Variants in ATRNL1 observed in about 807,000 individuals in gnomAD.
ATRNL1 encodes attractin like 1, also known as attractin-like protein 1.
Under a neutral mutation model 182.7 loss-of-function variants are expected in ATRNL1, and 95 were observed. The ratio of observed to expected loss-of-function variants is 0.52; its 90% CI spans 0.44 to 0.62. The LOEUF is 0.62. ATRNL1 is among the 20% of genes least tolerant of loss of function. The pLI, the probability that ATRNL1 is intolerant of heterozygous loss-of-function variation, is 0.00. For synonymous variants in ATRNL1, 576 were observed against 568.3 expected (o/e 1.01, Z -0.19); for missense variants, 1,471 against 1,679.5 (o/e 0.88, Z 2.17).
At chr10:115,863,005 A>G (rs6585367) in intron 28 of ATRNL1, among the ~76,000 whole-genome samples, 4,854 of 152,252 alleles carry the variant, frequency 0.032, 251 homozygotes, top group African/African-American at 0.11. Context: ...GAAATCTACA[A>G]ACGTCTACTC....
intron 27 of ATRNL1, among the ~76,000 whole-genome samples, chr10:115,734,135 C>T (rs2134079268): frequency 1.3e-5 from 2 of 152,110 alleles, no homozygotes; most frequent in African/African-American, 4.8e-5. Flanking sequence ...TAATTTCACA[C>T]TATTATAAAT....
chr10:115,870,607 T>C (rs1292554622), intron 28 of ATRNL1, among the ~76,000 whole-genome samples: 1 of 152,218 alleles, frequency 6.6e-6, no homozygotes, highest in Non-Finnish European at 1.5e-5. Context: ...CAGAGATTAT[T>C]ATCCTCATAT....
intron 28 of ATRNL1, among the ~76,000 whole-genome samples, chr10:115,902,441 AT>A (rs1265199011): frequency 6.6e-6 from 1 of 152,130 alleles, no homozygotes; most frequent in African/African-American, 2.4e-5. Flanking sequence ...GCATTCATTT[AT>A]TTTTTATAGG....
chr10:115,697,866 CT>C (rs1313106123), intron 26 of ATRNL1, among the ~76,000 whole-genome samples: 2 of 152,020 alleles, frequency 1.3e-5, no homozygotes, highest in African/African-American at 4.8e-5. Flanking sequence ...GCTGTCCTTT[CT>C]GTTGTAAATT....
At chr10:115,649,716 AG>A (rs1169155099) in intron 26 of ATRNL1, among the ~76,000 whole-genome samples, 3 of 152,174 alleles carry the variant, frequency 2.0e-5, no homozygotes, top group African/African-American at 4.8e-5. Flanking sequence ...TTTAAAATAA[AG>A]TACACTTTTA....
At chr10:115,796,444 G>A (rs906425815) in intron 27 of ATRNL1, among the ~76,000 whole-genome samples, 96 of 152,212 alleles carry the variant, frequency 6.3e-4, no homozygotes, top group African/African-American at 2.1e-3. Flanking sequence ...AAGGGGAAGG[G>A]GAAAAGCTCA....
chr10:115,240,816 TTTAA>T (rs1215272046), intron 9 of ATRNL1, among the ~76,000 whole-genome samples: 7 of 152,068 alleles, frequency 4.6e-5, no homozygotes, highest in East Asian at 1.9e-4. Context: ...AGAATTATAC[TTTAA>T]TTAAAAGAAC....
chr10:115,938,056 A>G (rs1158943562), intron 28 of ATRNL1, among the ~76,000 whole-genome samples: 1 of 152,200 alleles, frequency 6.6e-6, no homozygotes, highest in Admixed American at 6.5e-5. Flanking sequence ...TTTCAAAGTG[A>G]ATGACTTTTC....
chr10:115,251,534 A>G (rs782568814), intron 10 of ATRNL1, among the ~76,000 whole-genome samples: 7 of 152,054 alleles, frequency 4.6e-5, no homozygotes, highest in African/African-American at 1.4e-4. Flanking sequence ...TGCTCCTACT[A>G]TCAGCTTTGG....
intron 27 of ATRNL1, among the ~76,000 whole-genome samples, chr10:115,778,511 A>G (rs1274992532): frequency 6.6e-6 from 1 of 152,226 alleles, no homozygotes; most frequent in East Asian, 1.9e-4. Flanking sequence ...GAACAGAGAT[A>G]TGGTGAAAGA....
intron 26 of ATRNL1, among the ~76,000 whole-genome samples, chr10:115,578,333 A>G (rs1300125770): frequency 1.3e-5 from 2 of 151,678 alleles, no homozygotes; most frequent in Non-Finnish European, 3.0e-5. Context: ...ACGGATATTA[A>G]TTCTTCTTTT....
intron 26 of ATRNL1, among the ~76,000 whole-genome samples, chr10:115,719,900 GC>G (rs1170639317): frequency 1.0e-5 from 1 of 98,650 alleles, no homozygotes; most frequent in Non-Finnish European, 2.0e-5. Flanking sequence ...TTGCTTTTTT[GC>G]CCCAGGCTGG....
Position 115,562,932 on chromosome 10 carries a change from C to T in ATRNL1, c.3795+13396C>T, listed in dbSNP as rs76363713. Among the ~76,000 whole-genome samples the T allele has an allele frequency of 2.1e-3, 316 of 152,208 alleles. 1 individual carries two copies. The highest frequency in any genetic ancestry group is 7.3e-3 in the African/African-American group (303 of 41,528). On this transcript the variant is annotated intron_variant, in intron 26 of 28. Coordinates refer to ENST00000355044, the MANE Select transcript of ATRNL1 (RefSeq NM_207303.4). ...AAACTTACATGGAAATGCAAAGGAC[C>T]CTAAATAGCAGAAACATTTTTGAAA...
At chr10:115,587,232 G>T (rs1276146454) in intron 26 of ATRNL1, among the ~76,000 whole-genome samples, 1 of 152,038 alleles carries the variant, frequency 6.6e-6, no homozygotes, top group Non-Finnish European at 1.5e-5. Flanking sequence ...GCCCCCAGAG[G>T]TGGAGCCTAC....
At chr10:115,920,857 G>A (rs1189888710) in intron 28 of ATRNL1, among the ~76,000 whole-genome samples, 1 of 152,118 alleles carries the variant, frequency 6.6e-6, no homozygotes, top group East Asian at 1.9e-4. Context: ...TTAAGAGAAA[G>A]AAGAAGTTAA....
chr10:115,765,266 C>T (rs782688310), intron 27 of ATRNL1, among the ~76,000 whole-genome samples: 11 of 152,140 alleles, frequency 7.2e-5, no homozygotes, highest in Non-Finnish European at 1.6e-4. Flanking sequence ...AATGACTTTA[C>T]CATTTTGCAT....
At chr10:115,445,703 AC>A (rs1846946052) in intron 21 of ATRNL1, among the ~76,000 whole-genome samples, 2 of 152,204 alleles carry the variant, frequency 1.3e-5, no homozygotes, top group African/African-American at 4.8e-5. Flanking sequence ...AACGATCTGC[AC>A]CATCTAATTT....
chr10:115,124,939 A>T (rs761068853), intron 3 of ATRNL1, among the ~76,000 whole-genome samples: 13 of 152,194 alleles, frequency 8.5e-5, no homozygotes, highest in African/African-American at 3.1e-4. Context: ...AAGGAGTTCT[A>T]TATAATTTCA....
intron 8 of ATRNL1, among the ~76,000 whole-genome samples, chr10:115,175,627 TA>T (rs1272786937): frequency 6.6e-6 from 1 of 152,046 alleles, no homozygotes; most frequent in Non-Finnish European, 1.5e-5. Context: ...ATAAGAATAA[TA>T]GATAAACCAT....
Sources: gnomAD v4.1 joint callset for allele counts (sites outside exome capture counted in the v4.1 genomes callset) on GRCh38, gnomAD v4.1.1 for gene constraint, MANE v1.5 for transcripts, NCBI Gene and HGNC (gene_info 2026-07-23, HGNC 2026-07-21) for gene names.